Variants in PIAS3 observed in about 807,000 individuals in gnomAD.
The protein encoded by PIAS3 is E3 SUMO-protein ligase PIAS3.
In PIAS3, 34 loss-of-function variants were observed where a neutral mutation model predicts 67.6. The ratio of observed to expected loss-of-function variants is 0.50; its 90% CI spans 0.38 to 0.67. PIAS3 has a LOEUF of 0.67. Ranked by LOEUF, PIAS3 falls within the 30% of genes least tolerant of loss-of-function variation. The probability of loss-of-function intolerance (pLI) is 0.00; values close to 1 mark genes in which losing one functional copy is unlikely to be tolerated. For synonymous variants in PIAS3, 341 were observed against 313.8 expected (o/e 1.09, Z -0.92); for missense variants, 693 against 791.6 (o/e 0.88, Z 1.49).
chr1:145,849,819 G>A lies in PIAS3; in HGVS notation c.1621-107C>T, dbSNP rs1169356029. The A allele has an allele frequency of 4.0e-5, 60 of 1,487,636 alleles. No individual in the cohort carries two copies. In the South Asian group the frequency reaches 6.4e-4, roughly 16 times the overall value. 92.2% of individuals were successfully genotyped at this position (1,487,636 alleles called of 1,614,324 possible). ...GAGAGCAATCAACCCCTGTGGATCC[G>A]AAGGTATTCTCTTGAGAAGCAGGAG... is the stretch of plus-strand genomic sequence containing the variant. On this transcript the variant is annotated intron_variant, in intron 13 of 13. Coordinates refer to ENST00000393045, the MANE Select transcript of PIAS3 (RefSeq NM_006099.3).
chr1:145,850,867 G>T lies in PIAS3; in HGVS notation c.1352C>A (p.Thr451Lys). ...CTCCTCATCTGATGAGCTTTCTATT[G>T]TCAAGTCAATAACTTCGACCTTCTT... ...NKKKVEVIDL[T>K]IESSSDEEDL... Residue 451 changes from threonine (T) to lysine (K), a missense_variant, in exon 11 of 14, where the codon ACA (threonine) becomes AAA (lysine). Physicochemically the swap from Thr to Lys is moderately conservative, Grantham distance 78. Transcript: ENST00000393045. 1 of 1,614,166 alleles carries T rather than the reference G, an allele frequency of 6.2e-7. No homozygotes were observed.
chr1:145,857,319 G>C (rs1394965279), intron 1 of PIAS3: 1 of 409,066 alleles, frequency 2.4e-6, no homozygotes, highest in African/African-American at 2.0e-5. Context: ...ACACACCTCC[G>C]AGTCCATGCA....
At chr1:145,858,917 G>A (rs782518842) in intron 1 of PIAS3, 50 bp downstream of exon 1, 1 of 1,458,418 alleles carries the variant, frequency 6.9e-7, no homozygotes, top group South Asian at 1.4e-5. Flanking sequence ...CCCGGACACG[G>A]CGTACCGCCG....
chr1:145,856,992 A>G lies in PIAS3; in HGVS notation c.39T>C (p.Ser13=), dbSNP rs150490780. 222 of 1,614,008 alleles carry G rather than the reference A, an allele frequency of 1.4e-4. No individual in the cohort carries two copies. In the African/African-American group the frequency reaches 2.2e-3, roughly 16 times the overall value. The change falls in exon 2 of 14, where the codon AGT becomes AGC. Residue 13 remains serine, a synonymous_variant. Transcript: ENST00000393045. ...GCACCTGGAGCTCAGACACCCGGAA[A>G]CTCATCACCATGTGCTGTGGAGAAA... ...ELGELKHMVM[S]FRVSELQVLL...
At position 145,859,044 on chromosome 1, in the gene PIAS3, G is replaced by C; in HGVS notation, c.-54C>G. On this transcript the variant is annotated 5_prime_UTR_variant, in exon 1 of 14. Transcript: ENST00000393045. ...AGCCGGAGCTCAGGCCCAGGGACCG[G>C]CGCACAACTCTCCACCCTGGCGCCG... 1 of 1,524,416 alleles carries C rather than the reference G, an allele frequency of 6.6e-7. No individual in the cohort carries two copies. The allele number at this position is 1,524,416 out of a possible 1,614,324, so 94.4% of individuals were successfully genotyped here.
Position 145,848,712 on chromosome 1 carries a change from G to A in PIAS3, c.*734C>T, listed in dbSNP as rs1050050. ...CTAACTACAGGGCCATGAGCCTCTA[G>A]AAGCTTAGGGGGGAATAAGAAACAC... is the stretch of plus-strand genomic sequence containing the variant. On this transcript the variant is annotated 3_prime_UTR_variant, in exon 14 of 14. Transcript: ENST00000393045. 1.4e-5 allele frequency: 7 copies of A among 491,842 alleles called. No homozygotes were observed. The East Asian group carries it at 2.4e-4, about 17-fold the overall frequency. The allele number at this position is 491,842 out of a possible 1,614,324, so 30.5% of individuals were successfully genotyped here.
chr1:145,851,302 A>C, intron 9 of PIAS3, 149 bp from the exon 10 acceptor site: 1 of 767,022 alleles, frequency 1.3e-6, no homozygotes, highest in Non-Finnish European at 2.2e-6. Context: ...GAGTTGTTGG[A>C]ATCAAATAAC....
At chr1:145,857,061 C>A in intron 1 of PIAS3, 55 bp from the exon 2 acceptor site, 1 of 1,511,116 alleles carries the variant, frequency 6.6e-7, no homozygotes, top group East Asian at 2.3e-5. Flanking sequence ...GCCTGCCCTG[C>A]CAAGACATGG....
chr1:145,851,207 A>G, intron 9 of PIAS3, 54 bp from the exon 10 acceptor site: 1 of 1,575,474 alleles, frequency 6.3e-7, no homozygotes, highest in Non-Finnish European at 8.7e-7. Flanking sequence ...GCAGAACAGT[A>G]GCCAGAGTTC....
intron 1 of PIAS3, among the ~76,000 whole-genome samples, chr1:145,858,108 G>A (rs1363349368): frequency 6.6e-6 from 1 of 152,078 alleles, no homozygotes; most frequent in Non-Finnish European, 1.5e-5. Context: ...TATGTAGCAG[G>A]AGGGGAGCGC....
rs772436873 is a variant in PIAS3 at position 145,851,127 on chromosome 1, C to T, written c.1172G>A (p.Cys391Tyr). Residue 391 changes from cysteine (C) to tyrosine (Y), a missense_variant, in exon 10 of 14, where the codon TGT becomes TAT. This residue lies in a region of PIAS3 where 115 missense variants were observed against 181.8 expected (regional missense o/e 0.63). Transcript: ENST00000393045. Reference sequence around the variant, plus strand: ...GAATTGGATCTCATCACAATCTGAACAGGAACTAAGAATCTCCATAAATAA... The same window carrying T: ...GAATTGGATCTCATCACAATCTGAATAGGAACTAAGAATCTCCATAAATAA... ...DGLFMEILSS[C>Y]SDCDEIQFME... is the part of the protein sequence containing the mutation. 1 of 1,614,090 alleles carries T rather than the reference C, an allele frequency of 6.2e-7. No homozygotes were observed. The highest frequency in any genetic ancestry group is 8.5e-7 in the Non-Finnish European group (1 of 1,179,968).
At position 145,855,339 on chromosome 1, in the gene PIAS3, G is replaced by A. The variant is rs587751978; in HGVS notation, c.669+397C>T. ...TCTACTAAAAATACAAAAATTAGCC[G>A]GGCAGGGTGGTGGGCACCTGTAATC... On this transcript the variant is annotated intron_variant, in intron 5 of 13. Transcript: ENST00000393045. Among the ~76,000 whole-genome samples the A allele has an allele frequency of 1.1e-3, 161 of 152,120 alleles. 1 individual carries two copies. The highest frequency in any genetic ancestry group is 6.8e-3 in the Middle Eastern group (2 of 292).
chr1:145,854,991 C>G, intron 5 of PIAS3, 111 bp from the exon 6 acceptor site: 1 of 1,291,824 alleles, frequency 7.7e-7, no homozygotes, highest in Non-Finnish European at 1.1e-6. Context: ...GGAAGGCCAA[C>G]TCGCTCACTC....
intron 1 of PIAS3, 42 bp downstream of exon 1, chr1:145,858,925 C>T: frequency 6.8e-7 from 1 of 1,474,982 alleles, no homozygotes; most frequent in Non-Finnish European, 9.0e-7. Context: ...CGGCGTACCG[C>T]CGGGCTGAGT....
intron 9 of PIAS3, among the ~76,000 whole-genome samples, chr1:145,852,247 G>C (rs1001917674): frequency 6.6e-6 from 1 of 152,128 alleles, no homozygotes; most frequent in African/African-American, 2.4e-5. Context: ...AACAGAACGA[G>C]ACCCTGTCTC....
At chr1:145,858,699 C>T (rs1653292335) in intron 1 of PIAS3, among the ~76,000 whole-genome samples, 1 of 148,790 alleles carries the variant, frequency 6.7e-6, no homozygotes, top group South Asian at 2.2e-4. Flanking sequence ...AATCCGACTT[C>T]TACCCCTCGT....
intron 13 of PIAS3, chr1:145,849,989 C>T: frequency 7.0e-7 from 1 of 1,431,286 alleles, no homozygotes; most frequent in Non-Finnish European, 9.1e-7. Context: ...GCTCTAAGTG[C>T]ACACGGGGGT....
At position 145,854,777 on chromosome 1, in the gene PIAS3, A is replaced by G. The variant is rs140531029; in HGVS notation, c.773T>C (p.Ile258Thr). The change falls in exon 6 of 14, where the codon ATT (isoleucine) becomes ACT (threonine). Residue 258 changes from isoleucine to threonine, a missense_variant. By Grantham distance (89) the Ile-to-Thr change is moderately conservative. Around this residue, in one of 3 missense-constraint regions of PIAS3, gnomAD observed 308 missense variants for 348.8 expected, o/e 0.88. Transcript: ENST00000393045. ...ARLSATVPNT[I>T]VVNWSSEFGR... Reference sequence around the variant, plus strand: ...GAACTCAGATGACCAATTGACCACAATGGTGTTGGGAACAGTGGCTGAGAG... The same window carrying G: ...GAACTCAGATGACCAATTGACCACAGTGGTGTTGGGAACAGTGGCTGAGAG... The G allele has an allele frequency of 6.8e-6, 11 of 1,613,968 alleles. No individual in the cohort carries two copies. The African/African-American group carries it at 1.3e-4, about 20-fold the overall frequency.
chr1:145,849,813 G>C, intron 13 of PIAS3, 101 bp from the exon 14 acceptor site: 1 of 1,489,448 alleles, frequency 6.7e-7, no homozygotes, highest in East Asian at 2.4e-5. Context: ...CAACCCCTGT[G>C]GATCCGAAGG....
Sources: gnomAD v4.1 joint callset for allele counts (sites outside exome capture counted in the v4.1 genomes callset) on GRCh38, gnomAD v4.1.1 for gene constraint, gnomAD v4.1.1 regional missense constraint, MANE v1.5 for transcripts, NCBI Gene and HGNC (gene_info 2026-07-23, HGNC 2026-07-21) for gene names.